TTN: variants seen among roughly 807,000 people sequenced by gnomAD.
TTN encodes the protein connectin.
TTN carries 1,525 observed loss-of-function variants against 3,223.0 expected under a neutral mutation model. That is an observed-to-expected ratio of 0.47 (90% confidence interval 0.45 to 0.49). The LOEUF (loss-of-function observed/expected upper bound fraction) is 0.49, where lower values mean the gene tolerates loss of function less well. Among genes scored for constraint, TTN ranks in the 20% least tolerant of loss-of-function variants. The pLI is 0.00. For missense variants in TTN, 40,786 were observed against 43,424.0 expected, an observed-to-expected ratio of 0.94 and a Z score of 5.40; for synonymous variants, 14,094 against 15,161.0, an observed-to-expected ratio of 0.93 and a Z score of 5.17.
chr2:178,724,601 C>T, intron 71 of TTN, 63 bp from the exon 72 acceptor site: 1 of 1,471,242 alleles, frequency 6.8e-7, no homozygotes, highest in Non-Finnish European at 9.0e-7. Flanking sequence ...TCTACTATCA[C>T]ATTCACTAAG....
intron 24 of TTN, chr2:178,778,635 A>C (rs1423832904): frequency 3.6e-6 from 2 of 549,058 alleles, no homozygotes; most frequent in Non-Finnish European, 6.5e-6. Context: ...AATAAGAGCT[A>C]TTGTGATATT....
Position 178,567,731 on chromosome 2 carries a change from C to T in TTN, c.78401G>A (p.Arg26134His), listed in dbSNP as rs377668457. 128 of 1,612,346 alleles carry T rather than the reference C, an allele frequency of 7.9e-5. No individual in the cohort carries two copies. Among genetic ancestry groups the T allele is most frequent in the Non-Finnish European group, 1.0e-4 (118 of 1,178,790 alleles). ...IVEKRDLPDG[R>H]WMKASFTNVI... Reference sequence around the variant, plus strand: ...ATTTGTAAAGCTAGCTTTCATCCAACGACCATCAGGCAAATCACGTTTCTC... The same window carrying T: ...ATTTGTAAAGCTAGCTTTCATCCAATGACCATCAGGCAAATCACGTTTCTC... Residue 26134 changes from arginine (R) to histidine (H), a missense_variant, in exon 326 of 363, where the codon CGT (arginine) becomes CAT (histidine). Transcript: ENST00000589042.
chr2:178,529,296 G>T, intron 359 of TTN, 77 bp from the exon 360 acceptor site: 1 of 1,145,094 alleles, frequency 8.7e-7, no homozygotes, highest in Non-Finnish European at 1.2e-6. Flanking sequence ...TTCTGCGTGT[G>T]AAAAACATAA....
chr2:178,613,162 T>G lies in TTN; in HGVS notation c.49647A>C (p.Ile16549=). 1 of 1,609,304 alleles carries G rather than the reference T, an allele frequency of 6.2e-7. No homozygotes were observed. The highest frequency in any genetic ancestry group is 8.5e-7 in the Non-Finnish European group (1 of 1,178,172). Residue 16549 remains isoleucine (I), a splice_region_variant and synonymous_variant, in exon 264 of 363, where the codon ATA becomes ATC. Coordinates refer to ENST00000589042, the MANE Select transcript of TTN (RefSeq NM_001267550.2). ...CCACAAAAATTATATAAATAATACC[T>G]ATGGGATCCTTTATTAAGATTGGTT... is the stretch of plus-strand genomic sequence containing the variant. ...STEPILIKDP[I]DPPWPPGKPT...
In TTN at chr2:178,578,888, A is replaced by G. The variant is rs377007499; in HGVS notation, c.68142T>C (p.Tyr22714=). The G allele has an allele frequency of 1.9e-5, 30 of 1,613,170 alleles. No individual in the cohort carries two copies. The highest frequency in any genetic ancestry group is 2.5e-5 in the Non-Finnish European group (29 of 1,179,490). Residue 22714 remains tyrosine (Y), a synonymous_variant, in exon 320 of 363, where the codon TAT becomes TAC. Transcript: ENST00000589042. ...TATTTTCGGCACTGACCCTGAAGGT[A>G]TATTCCATGCCCTCATGAAGTCTGG... ...RVTRLHEGME[Y]TFRVSAENKY... is the part of the protein sequence containing the mutation.
In TTN at chr2:178,537,340, A is replaced by G. The variant is rs1453570860; in HGVS notation, c.99865+2T>C. 3 of 1,535,404 alleles carry G rather than the reference A, an allele frequency of 2.0e-6. No homozygotes were observed. Among genetic ancestry groups the G allele is most frequent in the Non-Finnish European group, 1.7e-6 (2 of 1,144,558 alleles). On this transcript the variant is annotated splice_donor_variant, in intron 355 of 362. Coordinates refer to ENST00000589042, the MANE Select transcript of TTN (RefSeq NM_001267550.2). LOFTEE classifies it high-confidence loss of function. Reference sequence around the variant, plus strand: ...AAAGCACTGAAAATAAAAATAAAATACCTTGTATTTCCACATCAAGGATGG... The same window carrying G: ...AAAGCACTGAAAATAAAAATAAAATGCCTTGTATTTCCACATCAAGGATGG...
Position 178,535,734 on chromosome 2 carries a change from G to C in TTN, c.100881C>G (p.Ile33627Met), listed in dbSNP as rs756942845. 17 of 1,613,526 alleles carry C rather than the reference G, an allele frequency of 1.1e-5. No homozygotes were observed. The highest frequency in any genetic ancestry group is 1.4e-5 in the Non-Finnish European group (17 of 1,179,748). The part of the protein sequence containing the change: ...IPFSGKPDPV[I>M]TWQKGQDLID... ...TGAGATCTTGTCCTTTCTGCCAGGT[G>C]ATCACAGGATCTGGTTTGCCACTGA... The change falls in exon 358 of 363, where the codon ATC becomes ATG. Residue 33627 changes from isoleucine (I) to methionine (M), a missense_variant. Coordinates refer to ENST00000589042, the MANE Select transcript of TTN (RefSeq NM_001267550.2).
chr2:178,598,203 T>C lies in TTN; in HGVS notation c.57112-145A>G, dbSNP rs569279298. On this transcript the variant is annotated intron_variant, in intron 292 of 362. Coordinates refer to ENST00000589042, the MANE Select transcript of TTN (RefSeq NM_001267550.2). ...TGGTTTAGGTTTTAGGGATCAGATA[T>C]TACAGGCAACACTGAATGGAATAAC... 107 of 970,600 alleles carry C rather than the reference T, an allele frequency of 1.1e-4. 1 individual carries two copies. Among genetic ancestry groups the C allele is most frequent in the Non-Finnish European group, 1.3e-4 (86 of 655,430 alleles). 60.1% of individuals were successfully genotyped at this position (970,600 alleles called of 1,614,324 possible).
At chr2:178,696,387 GTT>G (rs76637698) in intron 113 of TTN, 118 bp from the exon 114 acceptor site, 172 of 704,722 alleles carry the variant, frequency 2.4e-4, no homozygotes, top group South Asian at 2.9e-4. Flanking sequence ...TTGATAATTT[GTT>G]TTTTTTTTTT....
rs972831885 is a variant in TTN at position 178,531,678 on chromosome 2, A to G, written c.104937T>C (p.Gly34979=). 1.2e-6 allele frequency: 2 copies of G among 1,613,984 alleles called. No individual in the cohort carries two copies. Among genetic ancestry groups the G allele is most frequent in the Non-Finnish European group, 1.7e-6 (2 of 1,179,874 alleles). ...TCTTACTGCTTTCTTGGAGTTCCAC[A>G]CCATTGTGGTACCATTTAACCTCGG... is the stretch of plus-strand genomic sequence containing the variant. ...PTAEVKWYHN[G]VELQESSKIH... The change falls in exon 358 of 363, where the codon GGT becomes GGC. Residue 34979 remains glycine (G), a synonymous_variant. Coordinates refer to ENST00000589042, the MANE Select transcript of TTN (RefSeq NM_001267550.2).
chr2:178,537,910 C>G lies in TTN; in HGVS notation c.99297G>C (p.Glu33099Asp). ...MSIKTKLTSGEAPGIRKEMKD... is the reference protein window; with the variant it reads ...MSIKTKLTSGDAPGIRKEMKD... ...TCATTTCTTTGCGTATTCCTGGGGC[C>G]TCTCCAGCTGAACAATATGAAAGAT... The change falls in exon 355 of 363, where the codon GAG becomes GAC. Residue 33099 changes from glutamate to aspartate, a missense_variant. Coordinates refer to ENST00000589042, the MANE Select transcript of TTN (RefSeq NM_001267550.2). 1.2e-6 allele frequency: 2 copies of G among 1,606,756 alleles called. No homozygotes were observed. Among genetic ancestry groups the G allele is most frequent in the Admixed American group, 1.7e-5 (1 of 59,386 alleles).
rs755800765 is a variant in TTN at position 178,569,170 on chromosome 2, G to C, written c.76962C>G (p.Asn25654Lys). ...TRKSYAAVVT[N>K]CHKNSWKIDQ... ...CGATTTTCCAAGAATTCTTATGGCAGTTAGTTACAACAGCAGCATATGATT... is the reference window on the plus strand; with the variant it reads ...CGATTTTCCAAGAATTCTTATGGCACTTAGTTACAACAGCAGCATATGATT... The change falls in exon 326 of 363, where the codon AAC (asparagine) becomes AAG (lysine). Residue 25654 changes from asparagine (N) to lysine (K), a missense_variant. Transcript: ENST00000589042. 3.1e-6 allele frequency: 5 copies of C among 1,612,978 alleles called. No individual in the cohort carries two copies. In the Admixed American group the frequency reaches 8.3e-5, roughly 27 times the overall value.
intron 288 of TTN, among the ~76,000 whole-genome samples, chr2:178,600,155 G>GGAGATTGTAGT (rs1403940023): frequency 1.3e-5 from 2 of 151,866 alleles, no homozygotes; most frequent in African/African-American, 4.8e-5. Context: ...AGGGAAGAGA[G>GGAGATTGTAGT]GAGATTGTAG....
At position 178,552,952 on chromosome 2, in the gene TTN, A is replaced by G; in HGVS notation, c.89948T>C (p.Val29983Ala). 6 of 1,613,304 alleles carry G rather than the reference A, an allele frequency of 3.7e-6. No homozygotes were observed. The highest frequency in any genetic ancestry group is 4.2e-6 in the Non-Finnish European group (5 of 1,179,746). ...RDATKRTWSVVSHKCSSTSFK... is the reference protein window; with the variant it reads ...RDATKRTWSVASHKCSSTSFK... Reference sequence around the variant, plus strand: ...GGATGTGCTAGAACATTTGTGTGACACGACAGACCATGTTCTCTTGGTGGC... The same window carrying G: ...GGATGTGCTAGAACATTTGTGTGACGCGACAGACCATGTTCTCTTGGTGGC... Residue 29983 changes from valine (V) to alanine (A), a missense_variant, in exon 335 of 363, where the codon GTG (valine) becomes GCG (alanine). By Grantham distance (64) the Val-to-Ala change is moderately conservative. Coordinates refer to ENST00000589042, the MANE Select transcript of TTN (RefSeq NM_001267550.2).
At position 178,732,841 on chromosome 2, in the gene TTN, A is replaced by T; in HGVS notation, c.16335T>A (p.Ile5445=). 2 of 1,608,780 alleles carry T rather than the reference A, an allele frequency of 1.2e-6. No individual in the cohort carries two copies. Among genetic ancestry groups the T allele is most frequent in the Non-Finnish European group, 1.7e-6 (2 of 1,176,530 alleles). ...VGSKDSSGAL[I]VQEPPSFVTK... ...GCAAAGTCTCCAGCCAACCTTGCACAATCAGGGCTCCACTGCTGTCTTTGC... is the reference window on the plus strand; with the variant it reads ...GCAAAGTCTCCAGCCAACCTTGCACTATCAGGGCTCCACTGCTGTCTTTGC... The change falls in exon 55 of 363, where the codon ATT becomes ATA. Residue 5445 remains isoleucine (I), a synonymous_variant. Coordinates refer to ENST00000589042, the MANE Select transcript of TTN (RefSeq NM_001267550.2).
intron 311 of TTN, among the ~76,000 whole-genome samples, 161 bp downstream of exon 311, chr2:178,584,115 A>G (rs72646863): frequency 1.3e-5 from 2 of 151,876 alleles, no homozygotes; most frequent in Non-Finnish European, 2.9e-5. Flanking sequence ...TTAATATGTC[A>G]TCTTCATTGT....
intron 71 of TTN, 191 bp downstream of exon 71, chr2:178,725,177 C>T (rs1293897972): frequency 3.7e-6 from 2 of 542,992 alleles, no homozygotes; most frequent in East Asian, 6.7e-5. Flanking sequence ...AAACAGATGT[C>T]TAATTTTTGT....
chr2:178,548,505 G>A lies in TTN; in HGVS notation c.93121C>T (p.Leu31041Phe). The A allele has an allele frequency of 6.2e-7, 1 of 1,613,868 alleles. No homozygotes were observed. Among genetic ancestry groups the A allele is most frequent in the East Asian group, 2.2e-5 (1 of 44,870 alleles). Reference sequence around the variant, plus strand: ...TGGATTCGGGCACCACCGTCAAGAAGAGGGGCATCCCACATCAATGTAGCA... The same window carrying A: ...TGGATTCGGGCACCACCGTCAAGAAAAGGGGCATCCCACATCAATGTAGCA... The part of the protein sequence containing the change: ...GSATLMWDAP[L>F]LDGGARIHHY... Residue 31041 changes from leucine (L) to phenylalanine (F), a missense_variant, in exon 339 of 363, where the codon CTT becomes TTT. By Grantham distance (22) the Leu-to-Phe change is conservative (BLOSUM62 0). Transcript: ENST00000589042. This position sits in a 1 kb window ranked among gnomAD's most constrained non-coding sequence, Gnocchi z 4.3.
At position 178,781,091 on chromosome 2, in the gene TTN, C is replaced by T. The variant is rs759998551; in HGVS notation, c.3523+30G>A. ...TATCTCCTTGTATTTCAGTTCTTAT[C>T]ATGCACATAGAAACTGGAGTTGCAC... On this transcript the variant is annotated intron_variant, in intron 21 of 362. Transcript: ENST00000589042. 6.8e-6 allele frequency: 11 copies of T among 1,613,454 alleles called. No individual in the cohort carries two copies. The Admixed American group carries it at 8.3e-5, about 12-fold the overall frequency.
Sources: gnomAD v4.1 joint callset for allele counts (sites outside exome capture counted in the v4.1 genomes callset) on GRCh38, gnomAD v4.1.1 for gene constraint, Gnocchi (gnomAD v3.1) non-coding constraint, MANE v1.5 for transcripts, NCBI Gene and HGNC (gene_info 2026-07-23, HGNC 2026-07-21) for gene names.